XIST: variants seen among roughly 807,000 people sequenced by gnomAD.
XIST encodes the protein X inactive specific transcript.
chrX:73,820,748 T>C (rs771388526), exon 6 of XIST: 2 of 557,243 alleles, frequency 3.6e-6, no homozygotes, highest in Non-Finnish European at 6.5e-6. Context: ...TACTTTCTGG[T>C]GGTCACCCAT....
chrX:73,851,251 C>CA (rs1217383750), exon 1 of XIST: 2 of 559,339 alleles, frequency 3.6e-6, no homozygotes, highest in African/African-American at 2.2e-5. Flanking sequence ...GTCCACGTGA[C>CA]AAAAGCCATG....
chrX:73,846,170 C>G, exon 1 of XIST: 1 of 556,531 alleles, frequency 1.8e-6, no homozygotes, highest in African/African-American at 2.2e-5. Flanking sequence ...CATAATCACA[C>G]GCATACCAGG....
rs5982487 is a variant in XIST at position 73,823,081 on chromosome X, T to C, written n.16820A>G. The stretch of plus-strand genomic sequence containing the variant: ...TTTTTTTATTGCTCATATGTCTTCC[T>C]GTCTCTAAGCCAGACCAATGAGCAA... On this transcript the variant is annotated non_coding_transcript_exon_variant, in exon 6 of 6. Transcript: ENST00000429829. 11 of 551,758 alleles carry C rather than the reference T, an allele frequency of 2.0e-5. No homozygotes were observed. In the African/African-American group the frequency reaches 2.5e-4, roughly 12 times the overall value. 45.5% of individuals were successfully genotyped at this position (551,758 alleles called of 1,213,427 possible).
At chrX:73,830,759 A>G (rs916617679) in intron 4 of XIST, among the ~76,000 whole-genome samples, 10 of 111,943 alleles carry the variant, frequency 8.9e-5, no homozygotes, top group Admixed American at 1.9e-4. Context: ...CATGTGATCA[A>G]TGTCACTGAT....
At chrX:73,847,079 T>C (rs866850274) in exon 1 of XIST, 1 of 559,412 alleles carries the variant, frequency 1.8e-6, no homozygotes, top group Middle Eastern at 3.1e-4. Flanking sequence ...ACGCTAACTT[T>C]ACTAGTCTAA....
At chrX:73,842,775 TCAA>T in exon 1 of XIST, 2 of 555,731 alleles carry the variant, frequency 3.6e-6, no homozygotes, top group Middle Eastern at 6.2e-4. Context: ...CCTTGTCTGG[TCAA>T]CATTACCCAG....
exon 1 of XIST, chrX:73,843,548 G>A: frequency 1.8e-6 from 1 of 558,790 alleles, no homozygotes; most frequent in Non-Finnish European, 3.2e-6. Flanking sequence ...CTGATGCAAG[G>A]GGAATATGTG....
exon 6 of XIST, chrX:73,822,357 T>G (rs1280995335): frequency 5.5e-6 from 3 of 542,708 alleles, no homozygotes; most frequent in Non-Finnish European, 1.0e-5. Context: ...CACAATGTTA[T>G]TTAGGGACTA....
intron 2 of XIST, among the ~76,000 whole-genome samples, chrX:73,833,927 T>C (rs1376122994): frequency 1.8e-5 from 2 of 111,609 alleles, no homozygotes; most frequent in Non-Finnish European, 3.8e-5. Context: ...CAGGGATTAC[T>C]GTATCATGAG....
At chrX:73,835,122 C>G (rs1033612194) in intron 2 of XIST, among the ~76,000 whole-genome samples, 1 of 111,644 alleles carries the variant, frequency 9.0e-6, no homozygotes, top group African/African-American at 3.3e-5. Flanking sequence ...CATGTCTTCC[C>G]ACAATTCAAA....
chrX:73,845,477 T>C (rs775827118), exon 1 of XIST: 5 of 545,170 alleles, frequency 9.2e-6, no homozygotes, highest in Non-Finnish European at 1.6e-5. Context: ...GTATATGGAG[T>C]GGACACTCCC....
At chrX:73,850,278 C>CA (rs762505968) in exon 1 of XIST, 11 of 545,168 alleles carry the variant, frequency 2.0e-5, no homozygotes, top group East Asian at 1.6e-4. Flanking sequence ...TATCTACTGC[C>CA]AAAAAAAGGT....
exon 6 of XIST, chrX:73,822,180 G>T (rs1364941472): frequency 3.6e-6 from 2 of 556,856 alleles, no homozygotes; most frequent in African/African-American, 2.2e-5. Flanking sequence ...CCCTCCTGCT[G>T]CCCAGCAGTG....
At chrX:73,845,463 A>G (rs1417476477) in exon 1 of XIST, 1 of 555,261 alleles carries the variant, frequency 1.8e-6, no homozygotes, top group Non-Finnish European at 3.2e-6. Context: ...GTCCAAATGT[A>G]AGGGTATATG....
exon 1 of XIST, chrX:73,849,259 T>G: frequency 1.8e-6 from 1 of 559,047 alleles, no homozygotes; most frequent in South Asian, 2.2e-5. Context: ...AGGGTGCCTT[T>G]GTTTAATAGG....
chrX:73,842,564 A>C (rs1922620605), exon 1 of XIST: 1 of 558,984 alleles, frequency 1.8e-6, no homozygotes, highest in Non-Finnish European at 3.2e-6. Flanking sequence ...ACACTGCACC[A>C]ACACACCAAA....
chrX:73,849,646 C>A lies in XIST; in HGVS notation n.3078G>T, dbSNP rs1205751360. The A allele has an allele frequency of 2.2e-5, 12 of 556,051 alleles. No homozygotes were observed. In the Admixed American group the frequency reaches 2.7e-4, roughly 12 times the overall value. The allele number at this position is 556,051 out of a possible 1,213,427, so 45.8% of individuals were successfully genotyped here. Reference sequence around the variant, plus strand: ...AAATTCTTTGTCCTGAGATCACAGACAAATGGGATTGTATGCATTAACTGA... The same window carrying A: ...AAATTCTTTGTCCTGAGATCACAGAAAAATGGGATTGTATGCATTAACTGA... On this transcript the variant is annotated non_coding_transcript_exon_variant, in exon 1 of 6. Transcript: ENST00000429829.
exon 6 of XIST, chrX:73,823,522 AG>A (rs1569511511): frequency 3.6e-6 from 2 of 550,869 alleles, no homozygotes; most frequent in Admixed American, 4.6e-5. Flanking sequence ...TCCACATAAA[AG>A]ATGCTTTGTT....
At chrX:73,825,076 C>T in exon 6 of XIST, 1 of 514,875 alleles carries the variant, frequency 1.9e-6, no homozygotes, top group Non-Finnish European at 3.5e-6. Flanking sequence ...ATTTTTTGTT[C>T]TATGAGAATA....
Sources: allele counts gnomAD v4.1 joint callset (sites outside exome capture counted in the v4.1 genomes callset), GRCh38; gene constraint gnomAD v4.1.1; transcripts MANE v1.5; gene names NCBI Gene and HGNC (gene_info 2026-07-23, HGNC 2026-07-21).